PLEK: variants seen among roughly 807,000 people sequenced by gnomAD.
The protein encoded by PLEK is platelet 47 kDa protein.
A neutral mutation model predicts 43.9 loss-of-function variants in PLEK; 25 were observed. The observed-to-expected ratio is 0.57, with a 90% confidence interval of 0.41 to 0.79. The LOEUF is 0.79. Ranked by LOEUF, PLEK falls within the 30% of genes least tolerant of loss-of-function variation. The pLI is 0.00. For missense variants in PLEK, 396 were observed against 413.3 expected, an observed-to-expected ratio of 0.96 and a Z score of 0.36; for synonymous variants, 152 against 144.4, an observed-to-expected ratio of 1.05 and a Z score of -0.38.
chr2:68,372,437 A>T (rs1310892673), intron 1 of PLEK, among the ~76,000 whole-genome samples: 1 of 152,168 alleles, frequency 6.6e-6, no homozygotes, highest in East Asian at 1.9e-4. Context: ...CAGCCTCTTA[A>T]AGTGCTGGGA....
chr2:68,373,409 C>T (rs552979723), intron 1 of PLEK, among the ~76,000 whole-genome samples: 20 of 152,108 alleles, frequency 1.3e-4, no homozygotes, highest in African/African-American at 2.6e-4. Context: ...AAAAGCACAA[C>T]GTGAAGGTTA....
chr2:68,366,423 G>T (rs72892045), intron 1 of PLEK, among the ~76,000 whole-genome samples: 24,663 of 152,158 alleles, frequency 0.16, 2,535 homozygotes, highest in African/African-American at 0.3. Context: ...TCCTTCATTT[G>T]CAGAAGAGGA....
chr2:68,394,104 T>C lies in PLEK; in HGVS notation c.847-3T>C. The C allele has an allele frequency of 6.3e-7, 1 of 1,595,826 alleles. No homozygotes were observed. The highest frequency in any genetic ancestry group is 8.6e-7 in the Non-Finnish European group (1 of 1,163,414). ...CATAATGAACAACTCCTTTCTTCTT[T>C]AGGCAGAAGATCCCCTGGGAGCAAT... is the stretch of plus-strand genomic sequence containing the variant. On this transcript the variant is annotated splice_region_variant and splice_polypyrimidine_tract_variant and intron_variant, in intron 7 of 8. Coordinates refer to ENST00000234313, the MANE Select transcript of PLEK (RefSeq NM_002664.3).
rs10572542 is a variant in PLEK at position 68,396,147 on chromosome 2, T to TA, written c.*345dup. The TA allele has an allele frequency of 1.1e-3, 203 of 187,306 alleles. No homozygotes were observed. The highest frequency in any genetic ancestry group is 2.0e-3 in the Middle Eastern group (1 of 488). The allele number at this position is 187,306 out of a possible 1,614,324, so 11.6% of individuals were successfully genotyped here. ...GTAGATTCCTGAGGTCCCCCTAGCT[T>TA]AAAAAAAAAAAAAATCTGCCCCATG... On this transcript the variant is annotated 3_prime_UTR_variant, in exon 9 of 9. Transcript: ENST00000234313.
In PLEK at chr2:68,396,458, G is replaced by C. The variant is rs1673965989; in HGVS notation, c.*642G>C. On this transcript the variant is annotated 3_prime_UTR_variant, in exon 9 of 9. Coordinates refer to ENST00000234313, the MANE Select transcript of PLEK (RefSeq NM_002664.3). ...ACTTCCCGAGAGCAGTGGTGGTTTTGAGGGTTTTGACTTCTATTACTTTTG... is the reference window on the plus strand; with the variant it reads ...ACTTCCCGAGAGCAGTGGTGGTTTTCAGGGTTTTGACTTCTATTACTTTTG... 1 of 152,126 alleles carries C rather than the reference G, an allele frequency of 6.6e-6. No individual in the cohort carries two copies. Among genetic ancestry groups the C allele is most frequent in the South Asian group, 2.1e-4 (1 of 4,828 alleles). The allele number at this position is 152,126 out of a possible 1,614,324, so 9.4% of individuals were successfully genotyped here.
intron 1 of PLEK, among the ~76,000 whole-genome samples, chr2:68,366,567 A>G (rs1673278317): frequency 6.6e-6 from 1 of 152,186 alleles, no homozygotes; most frequent in Non-Finnish European, 1.5e-5. Flanking sequence ...ATTTTCTTAA[A>G]GCAGATTTAT....
chr2:68,379,522 G>T (rs1425826078), intron 1 of PLEK, among the ~76,000 whole-genome samples: 1 of 151,010 alleles, frequency 6.6e-6, no homozygotes, highest in Non-Finnish European at 1.5e-5. Flanking sequence ...AAAAAAGAAA[G>T]AACTATACTC....
chr2:68,372,591 G>A (rs1284248603), intron 1 of PLEK, among the ~76,000 whole-genome samples: 1 of 152,060 alleles, frequency 6.6e-6, no homozygotes, highest in South Asian at 2.1e-4. Context: ...ATGATGAACA[G>A]GTATTTACCA....
intron 1 of PLEK, among the ~76,000 whole-genome samples, chr2:68,374,332 G>A (rs1032538258): frequency 9.2e-5 from 14 of 152,054 alleles, no homozygotes; most frequent in Non-Finnish European, 1.9e-4. Context: ...TCTGCATAGC[G>A]GCTTTGAAAA....
intron 3 of PLEK, 42 bp from the exon 4 acceptor site, chr2:68,382,500 T>C (rs757603540): frequency 8.3e-7 from 1 of 1,206,924 alleles, no homozygotes; most frequent in South Asian, 1.3e-5. Flanking sequence ...AACTGGGTTT[T>C]TTTTTGTTTG....
At chr2:68,377,379 T>C (rs948513645) in intron 1 of PLEK, among the ~76,000 whole-genome samples, 3 of 152,200 alleles carry the variant, frequency 2.0e-5, no homozygotes, top group African/African-American at 7.2e-5. Context: ...TAATTTACAT[T>C]CCCACCAACA....
At chr2:68,392,172 C>CT (rs201991453) in intron 6 of PLEK, among the ~76,000 whole-genome samples, 23,126 of 149,660 alleles carry the variant, frequency 0.15, 2,300 homozygotes, top group African/African-American at 0.29. Context: ...TCTCCTCCTC[C>CT]TCCTTCTTCT....
rs1360146124 is a variant in PLEK, at chr2:68,395,866, C to T, written c.*50C>T. ...CTCCTGAGGGAAGCCCATGGACAAGCTCAGTCCAGGACCTGTCCACTTCTG... is the reference window on the plus strand; with the variant it reads ...CTCCTGAGGGAAGCCCATGGACAAGTTCAGTCCAGGACCTGTCCACTTCTG... On this transcript the variant is annotated 3_prime_UTR_variant, in exon 9 of 9. Coordinates refer to ENST00000234313, the MANE Select transcript of PLEK (RefSeq NM_002664.3). The T allele has an allele frequency of 2.2e-5, 34 of 1,538,940 alleles. No homozygotes were observed. Among genetic ancestry groups the T allele is most frequent in the Non-Finnish European group, 3.1e-5 (34 of 1,113,876 alleles).
intron 1 of PLEK, among the ~76,000 whole-genome samples, chr2:68,372,995 C>A (rs895684256): frequency 6.6e-5 from 10 of 151,918 alleles, no homozygotes; most frequent in African/African-American, 1.9e-4. Flanking sequence ...TGGGCCTCCA[C>A]TTTTTTTTAT....
intron 7 of PLEK, among the ~76,000 whole-genome samples, chr2:68,393,795 A>G (rs1276702435): frequency 6.6e-6 from 1 of 152,162 alleles, no homozygotes; most frequent in African/African-American, 2.4e-5. Context: ...AGAGCTCTGG[A>G]AACATGTAGC....
intron 4 of PLEK, 61 bp downstream of exon 4, chr2:68,382,694 G>C (rs1247152574): frequency 5.4e-6 from 5 of 933,614 alleles, no homozygotes; most frequent in Non-Finnish European, 8.8e-6. Context: ...GTCCTCCTTC[G>C]GCCTCGTCTG....
chr2:68,377,287 C>T (rs1008500050), intron 1 of PLEK, among the ~76,000 whole-genome samples: 1 of 152,136 alleles, frequency 6.6e-6, no homozygotes, highest in Non-Finnish European at 1.5e-5. Context: ...TATATACCCC[C>T]CAGTGAGATT....
chr2:68,379,181 A>G (rs190561159), intron 1 of PLEK, among the ~76,000 whole-genome samples: 1 of 152,132 alleles, frequency 6.6e-6, no homozygotes, highest in African/African-American at 2.4e-5. Flanking sequence ...ACAGAGAGAG[A>G]GTGCTTGAGC....
chr2:68,388,790 A>T (rs1459233152), intron 6 of PLEK, among the ~76,000 whole-genome samples: 1 of 152,134 alleles, frequency 6.6e-6, no homozygotes, highest in Non-Finnish European at 1.5e-5. Flanking sequence ...TGTCTAAGAG[A>T]TGCCATCCAA....
Sources: gnomAD v4.1 joint callset for allele counts (sites outside exome capture counted in the v4.1 genomes callset) on GRCh38, gnomAD v4.1.1 for gene constraint, MANE v1.5 for transcripts, NCBI Gene and HGNC (gene_info 2026-07-23, HGNC 2026-07-21) for gene names.